CREBBP: variants seen among roughly 807,000 people sequenced by gnomAD.
CREBBP encodes CREB-binding protein.
In CREBBP, 19 loss-of-function variants were observed where a neutral mutation model predicts 265.0. That is an observed-to-expected ratio of 0.07 (90% confidence interval 0.05 to 0.11). The LOEUF is 0.11. Among genes scored for constraint, CREBBP ranks in the 10% least tolerant of loss-of-function variants. CREBBP has a pLI of 1.00. For synonymous variants in CREBBP, 1,457 were observed against 1,223.7 expected (o/e 1.19, Z -3.98); for missense variants, 2,525 against 3,219.0 (o/e 0.78, Z 5.22).
rs542184332 is a variant in CREBBP at position 3,777,313 on chromosome 16, C to T, written c.2158+300G>A. Among the ~76,000 whole-genome samples, 57 of 151,510 alleles carry T rather than the reference C, an allele frequency of 3.8e-4. 1 individual carries two copies. The highest frequency in any genetic ancestry group is 3.4e-3 in the Middle Eastern group (1 of 292). ...TGGAGCCACTGCACTCCAGCCTGGG[C>T]GACAGAGCGAGACTCCATCTCAAAA... is the stretch of plus-strand genomic sequence containing the variant. On this transcript the variant is annotated intron_variant, in intron 11 of 30. Transcript: ENST00000262367.
At chr16:3,822,191 A>G (rs1481664829) in intron 2 of CREBBP, among the ~76,000 whole-genome samples, 2 of 152,128 alleles carry the variant, frequency 1.3e-5, no homozygotes, top group African/African-American at 2.4e-5. Flanking sequence ...CCTTCCACAT[A>G]GAGCGCTCAT....
chr16:3,878,264 C>A (rs984447376), intron 1 of CREBBP, among the ~76,000 whole-genome samples: 3 of 152,158 alleles, frequency 2.0e-5, no homozygotes. Context: ...AATGAAGCAA[C>A]GGAGATCTGT....
rs2141201256 is a variant in CREBBP at position 3,770,743 on chromosome 16, G to T, written c.2707C>A (p.Pro903Thr). The change falls in exon 14 of 31, where the codon CCT (proline) becomes ACT (threonine). Residue 903 changes from proline to threonine, a missense_variant. Coordinates refer to ENST00000262367, the MANE Select transcript of CREBBP (RefSeq NM_004380.3). ...TGGGTAGCACTGGGCACTGAGCCAGGAGTCGGGGTGGGAGTCTGCCCGGAA... is the reference window on the plus strand; with the variant it reads ...TGGGTAGCACTGGGCACTGAGCCAGTAGTCGGGGTGGGAGTCTGCCCGGAA... ...SSSGQTPTPT[P>T]GSVPSATQTQ... 1 of 1,614,132 alleles carries T rather than the reference G, an allele frequency of 6.2e-7. No individual in the cohort carries two copies. The highest frequency in any genetic ancestry group is 8.5e-7 in the Non-Finnish European group (1 of 1,180,010).
rs541635618 is a variant in CREBBP, at chr16:3,738,506, C to T, written c.4394+53G>A. On this transcript the variant is annotated intron_variant, in intron 26 of 30. Transcript: ENST00000262367. ...CCCATTATTTCACGGAATAAACATACAGTAAAAAATAAAGGGTTCTTACTA... is the reference window on the plus strand; with the variant it reads ...CCCATTATTTCACGGAATAAACATATAGTAAAAAATAAAGGGTTCTTACTA... The T allele has an allele frequency of 8.7e-5, 91 of 1,045,980 alleles. 2 individuals are homozygous for T. The East Asian group carries it at 1.9e-3, about 22-fold the overall frequency. The allele number at this position is 1,045,980 out of a possible 1,614,324, so 64.8% of individuals were successfully genotyped here. A position where few individuals can be genotyped will look rare whatever the true frequency, so the allele number is the denominator to read the frequency against.
At chr16:3,768,041 T>A in intron 15 of CREBBP, 132 bp from the exon 16 acceptor site, 7 of 779,472 alleles carry the variant, frequency 9.0e-6, no homozygotes, top group African/African-American at 1.7e-5. Context: ...CATTTATGAT[T>A]CCTCTTCTCT....
intron 1 of CREBBP, among the ~76,000 whole-genome samples, chr16:3,874,362 G>C (rs190615475): frequency 7.9e-4 from 121 of 152,336 alleles, no homozygotes; most frequent in Admixed American, 4.5e-3. Context: ...AAAGCTGTCT[G>C]TGCAGCCGTG....
At chr16:3,745,468 C>CT in intron 21 of CREBBP, 114 bp from the exon 22 acceptor site, 1 of 881,682 alleles carries the variant, frequency 1.1e-6, no homozygotes, top group Admixed American at 2.0e-5. Context: ...TTGAGTAGTG[C>CT]TGACATTAAT....
At chr16:3,859,471 G>A (rs2055028875) in intron 1 of CREBBP, among the ~76,000 whole-genome samples, 1 of 152,146 alleles carries the variant, frequency 6.6e-6, no homozygotes, top group African/African-American at 2.4e-5. Flanking sequence ...TGGGATTATA[G>A]GTGTGAGCCA....
intron 3 of CREBBP, among the ~76,000 whole-genome samples, chr16:3,808,687 G>A (rs768913391): frequency 6.6e-6 from 1 of 152,246 alleles, no homozygotes; most frequent in Non-Finnish European, 1.5e-5. Context: ...GGATGGGGAA[G>A]TGGGGCTGGA....
intron 1 of CREBBP, among the ~76,000 whole-genome samples, chr16:3,851,835 T>C (rs1205822806): frequency 1.1e-5 from 1 of 94,016 alleles, no homozygotes; most frequent in Non-Finnish European, 1.9e-5. Flanking sequence ...CAGTCCGACC[T>C]GGGCGACAGA....
intron 13 of CREBBP, 147 bp downstream of exon 13, chr16:3,773,603 TG>T: frequency 1.2e-6 from 1 of 821,948 alleles, no homozygotes; most frequent in Non-Finnish European, 1.9e-6. Context: ...AGGACAAAGG[TG>T]GAGAAAACAA....
At chr16:3,858,219 A>G (rs1476904624) in intron 1 of CREBBP, among the ~76,000 whole-genome samples, 1 of 152,254 alleles carries the variant, frequency 6.6e-6, no homozygotes, top group African/African-American at 2.4e-5. Flanking sequence ...GTGGGTGGCT[A>G]AATCAATCTG....
chr16:3,818,407 A>C (rs2054080366), intron 2 of CREBBP, among the ~76,000 whole-genome samples: 1 of 147,310 alleles, frequency 6.8e-6, no homozygotes, highest in Non-Finnish European at 1.5e-5. Flanking sequence ...TCCCTGGTTC[A>C]AGCGATTCTC....
intron 8 of CREBBP, among the ~76,000 whole-genome samples, chr16:3,780,160 T>G (rs2053239423): frequency 6.7e-6 from 1 of 149,430 alleles, no homozygotes; most frequent in Non-Finnish European, 1.5e-5. Flanking sequence ...GAGAATCACT[T>G]GAACCTGGGA....
At chr16:3,878,602 A>G (rs1597097192) in intron 1 of CREBBP, among the ~76,000 whole-genome samples, 1 of 152,342 alleles carries the variant, frequency 6.6e-6, no homozygotes, top group African/African-American at 2.4e-5. Flanking sequence ...GTTTTTTTTA[A>G]TATGCTAGTG....
chr16:3,852,246 G>T (rs1410472495), intron 1 of CREBBP, among the ~76,000 whole-genome samples: 16 of 128,840 alleles, frequency 1.2e-4, no homozygotes, highest in African/African-American at 4.6e-4. Flanking sequence ...TCGGCTCACT[G>T]CAAGGTCCGC....
At position 3,771,903 on chromosome 16, in the gene CREBBP, C is replaced by T. The variant is rs990901181; in HGVS notation, c.2464-917G>A. Among the ~76,000 whole-genome samples, 69 of 151,550 alleles carry T rather than the reference C, an allele frequency of 4.6e-4. 1 individual carries two copies. Among genetic ancestry groups the T allele is most frequent in the Admixed American group, 2.3e-3 (35 of 15,220 alleles). ...TTGGCTCACTGCAACCTCCATCTCC[C>T]GGGTTCCAGTGATTCTCCTGCCTCA... On this transcript the variant is annotated intron_variant, in intron 13 of 30. Transcript: ENST00000262367.
chr16:3,767,674 G>A (rs376597549), intron 16 of CREBBP, 46 bp downstream of exon 16: 55 of 1,612,436 alleles, frequency 3.4e-5, no homozygotes, highest in African/African-American at 2.0e-4. Flanking sequence ...TCCTAACACC[G>A]TGGAAAAGCA....
intron 16 of CREBBP, among the ~76,000 whole-genome samples, chr16:3,760,147 A>G (rs966190945): frequency 9.9e-5 from 15 of 152,108 alleles, no homozygotes; most frequent in Non-Finnish European, 5.9e-5. Flanking sequence ...GTTGGGGGAC[A>G]ATGGCATCAT....
Sources: allele counts gnomAD v4.1 joint callset (sites outside exome capture counted in the v4.1 genomes callset), GRCh38; gene constraint gnomAD v4.1.1; transcripts MANE v1.5; gene names NCBI Gene and HGNC (gene_info 2026-07-23, HGNC 2026-07-21).